ABLIM2: variants seen among roughly 807,000 people sequenced by gnomAD.
ABLIM2 encodes actin binding LIM protein family member 2.
ABLIM2 carries 53 observed loss-of-function variants against 97.7 expected under a neutral mutation model. That is an observed-to-expected ratio of 0.54 (90% CI 0.44 to 0.68). ABLIM2 has a LOEUF of 0.68. Among genes scored for constraint, ABLIM2 ranks in the 30% least tolerant of loss-of-function variants. The pLI is 0.00. For missense variants in ABLIM2, 835 were observed against 867.2 expected, an observed-to-expected ratio of 0.96 and a Z score of 0.47; for synonymous variants, 361 against 345.8, an observed-to-expected ratio of 1.04 and a Z score of -0.49.
At chr4:8,121,417 G>A (rs1031902611) in intron 1 of ABLIM2, among the ~76,000 whole-genome samples, 4 of 152,364 alleles carry the variant, frequency 2.6e-5, no homozygotes, top group Non-Finnish European at 4.4e-5. Context: ...TTCCTGGAGG[G>A]TGTTATTCCA....
At position 8,144,455 on chromosome 4, in the gene ABLIM2, G is replaced by A. The variant is rs370174770; in HGVS notation, c.10+14225C>T. On this transcript the variant is annotated intron_variant, in intron 1 of 20. Transcript: ENST00000447017. ...AGGCGTGGAGGAGAATCACAAATAC[G>A]CAGACAGCACATAAAATGACTCCCG... Among the ~76,000 whole-genome samples the A allele has an allele frequency of 2.2e-4, 34 of 152,222 alleles. No individual in the cohort carries two copies. The East Asian group carries it at 6.0e-3, about 27-fold the overall frequency.
intron 7 of ABLIM2, among the ~76,000 whole-genome samples, chr4:8,055,017 C>T (rs12641741): frequency 0.15 from 22,728 of 151,732 alleles, 2,024 homozygotes; most frequent in East Asian, 0.31. Context: ...TCTACTAATT[C>T]AACCTCAAAC....
intron 1 of ABLIM2, among the ~76,000 whole-genome samples, chr4:8,139,332 G>A (rs902576766): frequency 6.6e-6 from 1 of 151,754 alleles, no homozygotes; most frequent in African/African-American, 2.4e-5. Context: ...TATGAAATGG[G>A]AGAAAATTTT....
At position 8,027,861 on chromosome 4, in the gene ABLIM2, C is replaced by A; in HGVS notation, c.1169-4G>T. 6.3e-7 allele frequency: 1 copy of A among 1,581,736 alleles called. No homozygotes were observed. ...GTACCCACACTCACAGTACCAGCTACGGGGTAACAGAGAGCAAGTCAGAGT... is the reference window on the plus strand; with the variant it reads ...GTACCCACACTCACAGTACCAGCTAAGGGGTAACAGAGAGCAAGTCAGAGT... On this transcript the variant is annotated splice_region_variant and splice_polypyrimidine_tract_variant and intron_variant, in intron 11 of 20. Transcript: ENST00000447017.
intron 7 of ABLIM2, among the ~76,000 whole-genome samples, chr4:8,055,961 A>T (rs916478997): frequency 4.6e-5 from 7 of 151,920 alleles, no homozygotes; most frequent in African/African-American, 9.7e-5. Flanking sequence ...AAAAATAGAA[A>T]AATTAGCCAG....
chr4:7,967,912 C>G (rs889610835), intron 20 of ABLIM2, among the ~76,000 whole-genome samples: 6 of 152,338 alleles, frequency 3.9e-5, no homozygotes, highest in African/African-American at 1.4e-4. Context: ...ATGACCTCAG[C>G]CACCGCAAGC....
chr4:8,113,651 C>G lies in ABLIM2; in HGVS notation c.11-7014G>C, dbSNP rs1280208966. 6.6e-6 allele frequency among the ~76,000 whole-genome samples: 1 copy of G among 152,218 alleles called. No individual in the cohort carries two copies. The highest frequency in any genetic ancestry group is 1.5e-5 in the Non-Finnish European group (1 of 68,042). On this transcript the variant is annotated intron_variant, in intron 1 of 20. Transcript: ENST00000447017. This position sits in a 1 kb window ranked among gnomAD's most constrained non-coding sequence, Gnocchi z 4.5. ...GGGGTCCACCCATGGCAGGGGTTCT[C>G]ATCGGAGGCCCGCTCCATCCGCCAA...
At chr4:8,016,043 A>T (rs369091206) in intron 14 of ABLIM2, among the ~76,000 whole-genome samples, 74 of 111,078 alleles carry the variant, frequency 6.7e-4, no homozygotes, top group African/African-American at 1.6e-3. Flanking sequence ...TTGTTGTTGT[A>T]TTTTTTTTTT....
chr4:8,098,191 C>CCCCCT (rs1561393576), intron 2 of ABLIM2, among the ~76,000 whole-genome samples: 11 of 152,184 alleles, frequency 7.2e-5, no homozygotes, highest in African/African-American at 2.4e-4. Flanking sequence ...CTGCTAGAGT[C>CCCCCT]ACAGAGGAAC....
Position 8,097,932 on chromosome 4 carries a change from A to G in ABLIM2, c.155-650T>C, listed in dbSNP as rs1014538581. Among the ~76,000 whole-genome samples, 10 of 152,250 alleles carry G rather than the reference A, an allele frequency of 6.6e-5. No individual in the cohort carries two copies. The East Asian group carries it at 1.5e-3, about 24-fold the overall frequency. ...GGGAAGCACTTTGTCTCTTTTCCCA[A>G]CACACACCCGGCCCAGGAAGCTGAA... On this transcript the variant is annotated intron_variant, in intron 2 of 20. Transcript: ENST00000447017.
intron 8 of ABLIM2, among the ~76,000 whole-genome samples, chr4:8,052,193 T>C (rs548214213): frequency 6.6e-6 from 1 of 152,346 alleles, no homozygotes; most frequent in African/African-American, 2.4e-5. Flanking sequence ...GGTGTTCCCA[T>C]GCACACATGC....
intron 8 of ABLIM2, among the ~76,000 whole-genome samples, chr4:8,052,385 G>A (rs141304655): frequency 6.6e-6 from 1 of 152,334 alleles, no homozygotes; most frequent in East Asian, 1.9e-4. Flanking sequence ...GAGACCCAGC[G>A]CAGCCTCAGG....
At position 8,032,091 on chromosome 4, in the gene ABLIM2, T is replaced by C. The variant is rs1781314031; in HGVS notation, c.1048-2315A>G. Among the ~76,000 whole-genome samples the C allele has an allele frequency of 6.6e-6, 1 of 151,982 alleles. No homozygotes were observed. The highest frequency in any genetic ancestry group is 2.1e-4 in the South Asian group (1 of 4,818). On this transcript the variant is annotated intron_variant, in intron 10 of 20. Coordinates refer to ENST00000447017, the MANE Select transcript of ABLIM2 (RefSeq NM_001130083.2). The surrounding 1 kb of genome is among the most constrained non-coding windows in gnomAD (Gnocchi z 4.3). ...CTCAGGGCACGGTCACTGCCCAGGC[T>C]GTCTATTCCTGGCTACCATGACACC...
At chr4:7,974,246 T>A (rs892352221) in intron 20 of ABLIM2, among the ~76,000 whole-genome samples, 4 of 148,768 alleles carry the variant, frequency 2.7e-5, no homozygotes, top group African/African-American at 1.0e-4. Context: ...CATCTATCCA[T>A]CCATTCACCT....
chr4:8,101,583 C>T (rs1834659811), intron 2 of ABLIM2, among the ~76,000 whole-genome samples: 2 of 152,234 alleles, frequency 1.3e-5, no homozygotes, highest in African/African-American at 4.8e-5. Flanking sequence ...ACCTGCCTTA[C>T]ATGCGCAGCT....
At chr4:8,055,824 G>C (rs1798730489) in intron 7 of ABLIM2, among the ~76,000 whole-genome samples, 1 of 152,116 alleles carries the variant, frequency 6.6e-6, no homozygotes, top group African/African-American at 2.4e-5. Context: ...GACCATAAAA[G>C]TAATAGGGCT....
rs60896504 is a variant in ABLIM2, at chr4:8,023,336, C to T, written c.1268-3033G>A. Among the ~76,000 whole-genome samples the T allele has an allele frequency of 0.042, 6,460 of 152,314 alleles. 485 individuals are homozygous for T. Among genetic ancestry groups the T allele is most frequent in the African/African-American group, 0.15 (6,111 of 41,550 alleles). ...TCGGCACGTCTCCCAAGGCTCCTCT[C>T]GGCTGCGACCTTTTGCAGACGTTCC... On this transcript the variant is annotated intron_variant, in intron 12 of 20. Coordinates refer to ENST00000447017, the MANE Select transcript of ABLIM2 (RefSeq NM_001130083.2). The surrounding 1 kb of genome is among the most constrained non-coding windows in gnomAD (Gnocchi z 5.7).
Position 7,998,826 on chromosome 4 carries a change from G to A in ABLIM2, c.1619-5899C>T, listed in dbSNP as rs1312991015. ...TTGAGGTCCCGAGGCTGCCTCGCCA[G>A]GCCACTTTGCTGTTCCCACCTTTAG... is the stretch of plus-strand genomic sequence containing the variant. On this transcript the variant is annotated intron_variant, in intron 16 of 20. Coordinates refer to ENST00000447017, the MANE Select transcript of ABLIM2 (RefSeq NM_001130083.2). The surrounding 1 kb of genome is among the most constrained non-coding windows in gnomAD (Gnocchi z 6.4). Among the ~76,000 whole-genome samples the A allele has an allele frequency of 1.3e-5, 2 of 152,194 alleles. No homozygotes were observed. Among genetic ancestry groups the A allele is most frequent in the Non-Finnish European group, 2.9e-5 (2 of 68,036 alleles).
rs1397241505 is a variant in ABLIM2 at position 8,045,166 on chromosome 4, A to G, written c.898T>C (p.Tyr300His). Residue 300 changes from tyrosine (Y) to histidine (H), a missense_variant and splice_region_variant, in exon 9 of 21, where the codon TAT becomes CAT. Tyr to His is a moderately conservative substitution (Grantham distance 83). Coordinates refer to ENST00000447017, the MANE Select transcript of ABLIM2 (RefSeq NM_001130083.2). ...CCCATAAAAAGGCCCTGACTTACAT[A>G]AATCACACGGCTCGGAGACCCTGAG... Reference protein sequence around the residue: ...STSGSPSRVIYAKLGGEILDY... With the variant: ...STSGSPSRVIHAKLGGEILDY... The G allele has an allele frequency of 1.9e-6, 3 of 1,613,668 alleles. No individual in the cohort carries two copies. The highest frequency in any genetic ancestry group is 2.5e-6 in the Non-Finnish European group (3 of 1,179,606).
Sources: gnomAD v4.1 joint callset for allele counts (sites outside exome capture counted in the v4.1 genomes callset) on GRCh38, gnomAD v4.1.1 for gene constraint, Gnocchi (gnomAD v3.1) non-coding constraint, MANE v1.5 for transcripts, NCBI Gene and HGNC (gene_info 2026-07-23, HGNC 2026-07-21) for gene names.